The following TET3 variants were observed in gnomAD, a reference collection of about 807,000 sequenced individuals.
The protein encoded by TET3 is methylcytosine dioxygenase TET3.
A neutral mutation model predicts 141.4 loss-of-function variants in TET3; 19 were observed. That is an observed-to-expected ratio of 0.13 (90% CI 0.09 to 0.20). The LOEUF is 0.20. Among genes scored for constraint, TET3 ranks in the 10% least tolerant of loss-of-function variants. The pLI, the probability that TET3 is intolerant of heterozygous loss-of-function variation, is 1.00. For synonymous variants in TET3, 1,043 were observed against 980.9 expected (o/e 1.06, Z -1.18); for missense variants, 1,874 against 2,356.9 (o/e 0.80, Z 4.24).
upstream of TET3, among the ~76,000 whole-genome samples, chr2:73,984,264 G>A (rs1403955910): frequency 6.6e-6 from 1 of 152,250 alleles, no homozygotes; most frequent in Non-Finnish European, 1.5e-5. The surrounding 1 kb of genome is among the most constrained non-coding windows in gnomAD (Gnocchi z 5.6). Context: ...GCGCGGCGCG[G>A]GGGAGGCTGG....
downstream of TET3, among the ~76,000 whole-genome samples, chr2:74,112,233 C>A (rs372606998): frequency 2.7e-5 from 4 of 147,426 alleles, no homozygotes; most frequent in African/African-American, 1.1e-4. Context: ...AGTAACACTG[C>A]AGGCCATTTG....
chr2:74,103,997 T>G lies in TET3; in HGVS notation c.*1821T>G, dbSNP rs1439523940. 6.5e-6 allele frequency: 1 copy of G among 153,800 alleles called. No individual in the cohort carries two copies. The highest frequency in any genetic ancestry group is 1.5e-5 in the Non-Finnish European group (1 of 68,060). The allele number at this position is 153,800 out of a possible 1,614,324, so 9.5% of individuals were successfully genotyped here. A position where few individuals can be genotyped will look rare whatever the true frequency, so the allele number is the denominator to read the frequency against. On this transcript the variant is annotated 3_prime_UTR_variant, in exon 12 of 12. Transcript: ENST00000409262. The stretch of plus-strand genomic sequence containing the variant: ...CTTGAGTAAGAGCTGAGAACCGGCC[T>G]GCTGGGTGTTTACTGTATCTGTTTG...
In TET3 at chr2:74,046,928, G is replaced by T; in HGVS notation, c.1011G>T (p.Leu337=). 6.2e-7 allele frequency: 1 copy of T among 1,613,916 alleles called. No homozygotes were observed. Among genetic ancestry groups the T allele is most frequent in the Non-Finnish European group, 8.5e-7 (1 of 1,179,866 alleles). The change falls in exon 4 of 12, where the codon CTG becomes CTT. Residue 337 remains leucine (L), a synonymous_variant. Coordinates refer to ENST00000409262, the MANE Select transcript of TET3 (RefSeq NM_001287491.2). The surrounding 1 kb of genome is among the most constrained non-coding windows in gnomAD (Gnocchi z 4.3). ...EVPQISPQEG[L]PLSQSALSIA... is the part of the protein sequence containing the mutation. ...CCCAGATCTCTCCCCAAGAGGGCCT[G>T]CCCCTGTCCCAGAGTGCCCTGAGCA... is the stretch of plus-strand genomic sequence containing the variant.
At chr2:74,027,189 T>C (rs1017287607) in intron 3 of TET3, among the ~76,000 whole-genome samples, 2 of 152,218 alleles carry the variant, frequency 1.3e-5, no homozygotes, top group Non-Finnish European at 2.9e-5. Context: ...GTGAGCTCAC[T>C]GGCTCACCCA....
intron 5 of TET3, among the ~76,000 whole-genome samples, chr2:74,075,106 G>A (rs1689427375): frequency 6.6e-6 from 1 of 152,036 alleles, no homozygotes; most frequent in Non-Finnish European, 1.5e-5. Context: ...TCCTGACCTT[G>A]TGATCCGCCC....
At chr2:74,071,266 C>T (rs922892597) in intron 4 of TET3, among the ~76,000 whole-genome samples, 4 of 152,164 alleles carry the variant, frequency 2.6e-5, no homozygotes, top group African/African-American at 9.7e-5. Flanking sequence ...AATGCTATCC[C>T]ATTGGGGATT....
Position 73,986,578 on chromosome 2 carries a change from A to G in TET3, c.175A>G (p.Thr59Ala), listed in dbSNP as rs1684037726. The G allele has an allele frequency of 1.6e-6, 2 of 1,232,070 alleles. No individual in the cohort carries two copies. Among genetic ancestry groups the G allele is most frequent in the East Asian group, 6.3e-5 (2 of 31,716 alleles). The allele number at this position is 1,232,070 out of a possible 1,614,324, so 76.3% of individuals were successfully genotyped here. Residue 59 changes from threonine to alanine, a missense_variant, in exon 2 of 12, where the codon ACT becomes GCT. Thr to Ala is a moderately conservative substitution (Grantham distance 58). Around this residue, in one of 10 missense-constraint regions of TET3, gnomAD observed 366 missense variants for 487.0 expected, o/e 0.75. Coordinates refer to ENST00000409262, the MANE Select transcript of TET3 (RefSeq NM_001287491.2). ...TCGAAAGAAACGGAAACGGTGTGGTACTTGTGAGCCCTGCCGGCGGCTGGA... is the reference window on the plus strand; with the variant it reads ...TCGAAAGAAACGGAAACGGTGTGGTGCTTGTGAGCCCTGCCGGCGGCTGGA... ...DGRKKRKRCGTCEPCRRLENC... is the reference protein window; with the variant it reads ...DGRKKRKRCGACEPCRRLENC...
Position 74,046,929 on chromosome 2 carries a change from C to G in TET3, c.1012C>G (p.Pro338Ala). Residue 338 changes from proline to alanine, a missense_variant, in exon 4 of 12, where the codon CCC becomes GCC. Transcript: ENST00000409262. The surrounding 1 kb of genome is among the most constrained non-coding windows in gnomAD (Gnocchi z 4.3). ...VPQISPQEGL[P>A]LSQSALSIAK... ...CCAGATCTCTCCCCAAGAGGGCCTG[C>G]CCCTGTCCCAGAGTGCCCTGAGCAT... 6.2e-7 allele frequency: 1 copy of G among 1,613,932 alleles called. No individual in the cohort carries two copies. Among genetic ancestry groups the G allele is most frequent in the Non-Finnish European group, 8.5e-7 (1 of 1,179,868 alleles).
the TET3 span, among the ~76,000 whole-genome samples, chr2:74,117,487 C>T: frequency 6.6e-6 from 1 of 152,114 alleles, no homozygotes; most frequent in East Asian, 1.9e-4. Context: ...AGTGATCCTC[C>T]TCCCTCAACC....
At chr2:74,006,805 C>G (rs1054310914) in intron 3 of TET3, among the ~76,000 whole-genome samples, 6 of 152,178 alleles carry the variant, frequency 3.9e-5, no homozygotes, top group Non-Finnish European at 5.9e-5. Flanking sequence ...CTCTCACACC[C>G]GGGCATCTGG....
At chr2:74,129,532 C>G in the TET3 span, among the ~76,000 whole-genome samples, 5 of 151,542 alleles carry the variant, frequency 3.3e-5, no homozygotes, top group Non-Finnish European at 5.9e-5. Flanking sequence ...ACTCAGGAGG[C>G]TGAGGTGGGA....
intron 3 of TET3, among the ~76,000 whole-genome samples, chr2:74,032,907 T>C (rs1378754489): frequency 6.6e-6 from 1 of 152,200 alleles, no homozygotes; most frequent in Non-Finnish European, 1.5e-5. Context: ...ATAGAACTTT[T>C]AATGGGTGGG....
At chr2:74,130,000 C>G in the TET3 span, among the ~76,000 whole-genome samples, 1 of 150,400 alleles carries the variant, frequency 6.6e-6, no homozygotes, top group African/African-American at 2.5e-5. Context: ...GAGGCTGAGG[C>G]AGGAGAATGG....
At chr2:74,056,993 T>A (rs1688255707) in intron 4 of TET3, among the ~76,000 whole-genome samples, 1 of 152,156 alleles carries the variant, frequency 6.6e-6, no homozygotes, top group African/African-American at 2.4e-5. Context: ...AACCAGGGAA[T>A]GCAGGCAGAG....
At chr2:74,109,747 A>G (rs1691658738), downstream of TET3, among the ~76,000 whole-genome samples, 1 of 152,196 alleles carries the variant, frequency 6.6e-6, no homozygotes. Flanking sequence ...CACCTAGAGC[A>G]TCATTATTCA....
At chr2:74,038,102 C>G (rs981385435) in intron 3 of TET3, among the ~76,000 whole-genome samples, 5 of 152,112 alleles carry the variant, frequency 3.3e-5, no homozygotes, top group Non-Finnish European at 5.9e-5. Flanking sequence ...AGACAGTGCA[C>G]TGTAGAGGAG....
At chr2:74,124,151 C>T in the TET3 span, among the ~76,000 whole-genome samples, 1 of 152,026 alleles carries the variant, frequency 6.6e-6, no homozygotes, top group South Asian at 2.1e-4. Flanking sequence ...CCGCCAGCCG[C>T]CCCATCTGGG....
At chr2:74,063,277 T>TGTCA (rs1427587603) in intron 4 of TET3, among the ~76,000 whole-genome samples, 1 of 151,990 alleles carries the variant, frequency 6.6e-6, no homozygotes, top group Non-Finnish European at 1.5e-5. Context: ...GAAGCCCAGG[T>TGTCA]GTCACTAGGT....
chr2:74,100,101 C>G (rs950219449), intron 11 of TET3, among the ~76,000 whole-genome samples: 18 of 152,240 alleles, frequency 1.2e-4, no homozygotes, highest in African/African-American at 4.3e-4. Context: ...CTGGAGTTCT[C>G]TAGGGTGAAG....
Sources: allele counts gnomAD v4.1 joint callset (sites outside exome capture counted in the v4.1 genomes callset), GRCh38; gene constraint gnomAD v4.1.1; regional missense constraint gnomAD v4.1.1; non-coding constraint Gnocchi (gnomAD v3.1); transcripts MANE v1.5; gene names NCBI Gene and HGNC (gene_info 2026-07-23, HGNC 2026-07-21).